Variants in IL1R2 observed in about 807,000 individuals in gnomAD.
The protein encoded by IL1R2 is interleukin-1 receptor type 2.
IL1R2 carries 46 observed loss-of-function variants against 39.5 expected under a neutral mutation model. The observed-to-expected ratio is 1.16, with a 90% confidence interval of 0.92 to 1.49. IL1R2 has a LOEUF of 1.49. Ranked by LOEUF, IL1R2 falls within the 40% of genes most tolerant of loss-of-function variation. The pLI is 0.00. For synonymous variants in IL1R2, 207 were observed against 189.6 expected (o/e 1.09, Z -0.75); for missense variants, 537 against 502.0 (o/e 1.07, Z -0.67).
intron 1 of IL1R2, among the ~76,000 whole-genome samples, chr2:102,005,401 T>C (rs772181943): frequency 6.6e-6 from 1 of 152,216 alleles, no homozygotes; most frequent in South Asian, 2.1e-4. Flanking sequence ...CTCCTTCCCC[T>C]GGGATCTTTT....
At chr2:102,002,774 A>ATATCTG (rs1675965394) in intron 1 of IL1R2, among the ~76,000 whole-genome samples, 2 of 150,880 alleles carry the variant, frequency 1.3e-5, no homozygotes, top group African/African-American at 4.9e-5. Flanking sequence ...ATCTATATCT[A>ATATCTG]TATCTATATC....
At chr2:101,996,072 G>A (rs936381581) in intron 1 of IL1R2, among the ~76,000 whole-genome samples, 1 of 152,126 alleles carries the variant, frequency 6.6e-6, no homozygotes, top group East Asian at 1.9e-4. Flanking sequence ...GCCTGGAATC[G>A]GCACTTGTTT....
chr2:102,025,208 A>G (rs2150463310), intron 7 of IL1R2, among the ~76,000 whole-genome samples: 1 of 152,382 alleles, frequency 6.6e-6, no homozygotes, highest in Non-Finnish European at 1.5e-5. Flanking sequence ...ACCTTTTGTA[A>G]GTGGGAACTT....
chr2:102,006,831 G>T (rs1030259657), intron 1 of IL1R2, among the ~76,000 whole-genome samples: 1 of 152,220 alleles, frequency 6.6e-6, no homozygotes, highest in African/African-American at 2.4e-5. Flanking sequence ...GCATTGACTT[G>T]CTGTGTCGGA....
At position 102,028,289 on chromosome 2, in the gene IL1R2, G is replaced by C; in HGVS notation, c.1094G>C (p.Gly365Ala). 6.2e-7 allele frequency: 1 copy of C among 1,612,908 alleles called. No individual in the cohort carries two copies. The highest frequency in any genetic ancestry group is 8.5e-7 in the Non-Finnish European group (1 of 1,179,544). Residue 365 changes from glycine to alanine, a missense_variant, in exon 9 of 9, where the codon GGG becomes GCG. Gly to Ala is a moderately conservative substitution (Grantham distance 60, BLOSUM62 0). Coordinates refer to ENST00000332549, the MANE Select transcript of IL1R2 (RefSeq NM_004633.4). ...APLSLAFLVL[G>A]GIWMHRRCKH... Reference sequence around the variant, plus strand: ...CTTTCACTGGCCTTCTTGGTTTTGGGGGGAATATGGATGCACAGACGGTGC... The same window carrying C: ...CTTTCACTGGCCTTCTTGGTTTTGGCGGGAATATGGATGCACAGACGGTGC...
At position 102,008,574 on chromosome 2, in the gene IL1R2, C is replaced by A. The variant is rs773017127; in HGVS notation, c.-2C>A. 2.5e-5 allele frequency: 40 copies of A among 1,613,596 alleles called. No homozygotes were observed. Among genetic ancestry groups the A allele is most frequent in the Non-Finnish European group, 1.4e-5 (16 of 1,179,686 alleles). On this transcript the variant is annotated 5_prime_UTR_variant, in exon 2 of 9. Transcript: ENST00000332549. ...CGTGTCCTCTGGAAGTTGTCAGGAG[C>A]AATGTTGCGCTTGTACGTGTTGGTA...
intron 1 of IL1R2, among the ~76,000 whole-genome samples, chr2:102,006,310 C>G (rs1314188339): frequency 6.6e-6 from 1 of 152,184 alleles, no homozygotes; most frequent in Non-Finnish European, 1.5e-5. Flanking sequence ...GGTAAAGTCA[C>G]AGGAACTATT....
At chr2:102,011,174 A>G (rs1676606126) in intron 3 of IL1R2, among the ~76,000 whole-genome samples, 1 of 152,128 alleles carries the variant, frequency 6.6e-6, no homozygotes, top group Non-Finnish European at 1.5e-5. Flanking sequence ...TCCTCCTTTC[A>G]GCTATTGTGA....
chr2:102,001,238 A>G (rs1210606215), intron 1 of IL1R2, among the ~76,000 whole-genome samples: 8 of 152,360 alleles, frequency 5.3e-5, no homozygotes, highest in Admixed American at 4.6e-4. Context: ...ACCACTGACT[A>G]AGAGACACTT....
intron 3 of IL1R2, among the ~76,000 whole-genome samples, chr2:102,015,653 T>A (rs866898918): frequency 6.6e-6 from 1 of 152,224 alleles, no homozygotes; most frequent in African/African-American, 2.4e-5. Flanking sequence ...TATTGAATAC[T>A]ATACTGAAGT....
intron 3 of IL1R2, among the ~76,000 whole-genome samples, chr2:102,014,947 AAATAATAATAATAATAAT>A (rs60026295): frequency 1.4e-5 from 2 of 141,498 alleles, no homozygotes; most frequent in African/African-American, 5.3e-5. Context: ...TAGGCTAGTA[AAATAATAATAATAATAAT>A]AATAATAATA....
intron 3 of IL1R2, among the ~76,000 whole-genome samples, chr2:102,014,201 G>T (rs1036275993): frequency 6.6e-6 from 1 of 152,198 alleles, no homozygotes; most frequent in African/African-American, 2.4e-5. Context: ...CCAGAGCCTT[G>T]CTGGGCTTCC....
chr2:102,011,426 T>A (rs1188479589), intron 3 of IL1R2, among the ~76,000 whole-genome samples: 2 of 152,244 alleles, frequency 1.3e-5, no homozygotes, highest in Admixed American at 6.5e-5. Context: ...ATAATAATCA[T>A]CCTAATGGGT....
At chr2:102,026,555 C>A (rs2150465511) in intron 8 of IL1R2, among the ~76,000 whole-genome samples, 1 of 152,330 alleles carries the variant, frequency 6.6e-6, no homozygotes, top group East Asian at 1.9e-4. Flanking sequence ...CCTTGGGTCA[C>A]TAATCAGCTG....
chr2:102,012,580 T>G (rs1461110780), intron 3 of IL1R2, among the ~76,000 whole-genome samples: 1 of 151,726 alleles, frequency 6.6e-6, no homozygotes, highest in Non-Finnish European at 1.5e-5. Flanking sequence ...TGTGTGAAAT[T>G]AAGAATCTTT....
At chr2:102,004,746 C>A (rs1676159817) in intron 1 of IL1R2, among the ~76,000 whole-genome samples, 2 of 152,212 alleles carry the variant, frequency 1.3e-5, no homozygotes, top group South Asian at 4.1e-4. Context: ...AATTTTGGTT[C>A]CAACCTTTTT....
At position 102,012,556 on chromosome 2, in the gene IL1R2, T is replaced by C. The variant is rs1577709045; in HGVS notation, c.332+2730T>C. ...TGCCCTCTGTGTGTGTGTGTGTGTGTGCATGTGCGTGCATGTGTGAAATTA... is the reference window on the plus strand; with the variant it reads ...TGCCCTCTGTGTGTGTGTGTGTGTGCGCATGTGCGTGCATGTGTGAAATTA... On this transcript the variant is annotated intron_variant, in intron 3 of 8. Transcript: ENST00000332549. 2.6e-5 allele frequency among the ~76,000 whole-genome samples: 4 copies of C among 151,682 alleles called. No individual in the cohort carries two copies. In the East Asian group the frequency reaches 5.8e-4, roughly 22 times the overall value.
chr2:102,025,403 T>C (rs1368596229), intron 7 of IL1R2, among the ~76,000 whole-genome samples: 5 of 152,242 alleles, frequency 3.3e-5, no homozygotes, highest in African/African-American at 4.8e-5. Flanking sequence ...AGCACAATCA[T>C]GTGCTTGCAA....
chr2:101,995,746 T>C (rs969380807), intron 1 of IL1R2, among the ~76,000 whole-genome samples: 2 of 152,192 alleles, frequency 1.3e-5, no homozygotes, highest in Non-Finnish European at 2.9e-5. Context: ...TCGTCATGGG[T>C]TAACTGCGTT....
Sources: allele counts gnomAD v4.1 joint callset (sites outside exome capture counted in the v4.1 genomes callset), GRCh38; gene constraint gnomAD v4.1.1; transcripts MANE v1.5; gene names NCBI Gene and HGNC (gene_info 2026-07-23, HGNC 2026-07-21).